BMPER: variants seen among roughly 807,000 people sequenced by gnomAD.
The protein encoded by BMPER is BMP-binding endothelial regulator protein.
Under a neutral mutation model 87.3 loss-of-function variants are expected in BMPER, and 45 were observed. The observed-to-expected ratio is 0.52, with a 90% CI of 0.41 to 0.66. The LOEUF (loss-of-function observed/expected upper bound fraction) is 0.66, where lower values mean the gene tolerates loss of function less well. Among genes scored for constraint, BMPER ranks in the 30% least tolerant of loss-of-function variants. BMPER has a pLI of 0.00. For missense variants in BMPER, 784 were observed against 867.5 expected, an observed-to-expected ratio of 0.90 and a Z score of 1.21; for synonymous variants, 326 against 316.2, an observed-to-expected ratio of 1.03 and a Z score of -0.33.
intron 6 of BMPER, among the ~76,000 whole-genome samples, chr7:34,013,465 A>G (rs1331474072): frequency 3.3e-5 from 5 of 151,768 alleles, no homozygotes; most frequent in African/African-American, 1.2e-4. Flanking sequence ...TTTATCTTTA[A>G]AATTTTAATA....
intron 3 of BMPER, among the ~76,000 whole-genome samples, chr7:33,943,863 A>G (rs918448542): frequency 2.6e-5 from 4 of 152,030 alleles, no homozygotes; most frequent in Non-Finnish European, 5.9e-5. Flanking sequence ...ATTACCAGGG[A>G]TATGTTCCTC....
At chr7:33,925,702 A>G (rs1017894418) in intron 2 of BMPER, among the ~76,000 whole-genome samples, 1 of 152,198 alleles carries the variant, frequency 6.6e-6, no homozygotes, top group Non-Finnish European at 1.5e-5. Flanking sequence ...TTCCTGTGAT[A>G]TATGTGAAAC....
intron 13 of BMPER, among the ~76,000 whole-genome samples, chr7:34,135,234 T>G (rs189483417): frequency 6.6e-6 from 1 of 152,216 alleles, no homozygotes; most frequent in East Asian, 1.9e-4. Flanking sequence ...TTTTCTCTTG[T>G]TAATTTGGTT....
At chr7:34,061,010 C>T (rs1788422459) in intron 10 of BMPER, among the ~76,000 whole-genome samples, 1 of 152,092 alleles carries the variant, frequency 6.6e-6, no homozygotes, top group Non-Finnish European at 1.5e-5. Flanking sequence ...GTTGCATGAC[C>T]TCAATTTCTT....
chr7:34,152,008 A>G (rs1477784164), intron 14 of BMPER, among the ~76,000 whole-genome samples: 1 of 152,206 alleles, frequency 6.6e-6, no homozygotes, highest in Non-Finnish European at 1.5e-5. Flanking sequence ...AATATGATCA[A>G]AGATCAACAT....
chr7:34,138,174 C>T (rs1172778856), intron 13 of BMPER, among the ~76,000 whole-genome samples: 1 of 152,126 alleles, frequency 6.6e-6, no homozygotes, highest in African/African-American at 2.4e-5. Flanking sequence ...CCACATGTGT[C>T]TAATGGTTTC....
At chr7:34,055,502 C>G (rs1788261172) in intron 9 of BMPER, among the ~76,000 whole-genome samples, 199 bp downstream of exon 9, 1 of 152,140 alleles carries the variant, frequency 6.6e-6, no homozygotes, top group Non-Finnish European at 1.5e-5. Flanking sequence ...CAGATAGGGG[C>G]AGAGAATCAA....
intron 6 of BMPER, among the ~76,000 whole-genome samples, chr7:33,990,766 T>G (rs1786187534): frequency 8.2e-6 from 1 of 122,674 alleles, no homozygotes; most frequent in African/African-American, 3.1e-5. Context: ...CATAGATAGC[T>G]CTTATTATTT....
Position 33,905,544 on chromosome 7 carries a change from T to G in BMPER, c.-70T>G. The G allele has an allele frequency of 6.3e-7, 1 of 1,585,932 alleles. No individual in the cohort carries two copies. Among genetic ancestry groups the G allele is most frequent in the Non-Finnish European group, 8.5e-7 (1 of 1,171,390 alleles). ...GCCGGCTGAGAGCCCTTTTCGACTG[T>G]GAGCTGCGGCAGCTGAGCAGAGGCG... On this transcript the variant is annotated 5_prime_UTR_variant, in exon 1 of 15. Coordinates refer to ENST00000649409, the MANE Select transcript of BMPER (RefSeq NM_001365308.1).
intron 6 of BMPER, among the ~76,000 whole-genome samples, chr7:33,986,152 T>C (rs1214165271): frequency 1.3e-5 from 2 of 152,220 alleles, no homozygotes; most frequent in Non-Finnish European, 2.9e-5. Flanking sequence ...TGAGTTTCTA[T>C]AGTGCTTCCT....
intron 6 of BMPER, among the ~76,000 whole-genome samples, chr7:33,996,106 A>T (rs1293753280): frequency 2.6e-5 from 4 of 152,244 alleles, no homozygotes; most frequent in Non-Finnish European, 4.4e-5. Flanking sequence ...TATTTCATGC[A>T]TAAAGAGCTT....
chr7:34,152,978 T>C (rs966747571), intron 14 of BMPER, 114 bp from the exon 15 acceptor site: 18 of 1,213,466 alleles, frequency 1.5e-5, no homozygotes, highest in South Asian at 7.3e-5. Context: ...AATGTGATCC[T>C]GAGCTATGGA....
At chr7:34,012,058 G>A (rs907126702) in intron 6 of BMPER, among the ~76,000 whole-genome samples, 2 of 151,848 alleles carry the variant, frequency 1.3e-5, no homozygotes, top group South Asian at 2.1e-4. Context: ...TTGGTAAGGG[G>A]CATAGAAACT....
chr7:33,936,926 C>T (rs150443401), intron 2 of BMPER, among the ~76,000 whole-genome samples: 1 of 152,248 alleles, frequency 6.6e-6, no homozygotes, highest in Non-Finnish European at 1.5e-5. Context: ...CCCAGGTAGC[C>T]CAACAGGCAA....
At chr7:33,986,668 C>CG (rs1158897363) in intron 6 of BMPER, among the ~76,000 whole-genome samples, 1 of 151,942 alleles carries the variant, frequency 6.6e-6, no homozygotes, top group African/African-American at 2.4e-5. Context: ...GAGGATGGAA[C>CG]GGGGGGTGAG....
At chr7:34,147,008 C>G (rs889446586) in intron 14 of BMPER, among the ~76,000 whole-genome samples, 1 of 152,172 alleles carries the variant, frequency 6.6e-6, no homozygotes, top group East Asian at 1.9e-4. Flanking sequence ...ATGTCTGCCA[C>G]CTGCCTATAA....
At chr7:34,125,460 A>G (rs1790376938) in intron 13 of BMPER, among the ~76,000 whole-genome samples, 1 of 152,172 alleles carries the variant, frequency 6.6e-6, no homozygotes. Flanking sequence ...TGGTAATAAA[A>G]TTATTTTTCT....
At chr7:33,945,034 T>G (rs544052846) in intron 3 of BMPER, among the ~76,000 whole-genome samples, 2 of 151,978 alleles carry the variant, frequency 1.3e-5, no homozygotes, top group Non-Finnish European at 2.9e-5. Context: ...CTCCACCTCC[T>G]GGGTTCACAC....
At chr7:33,934,333 G>A (rs991594445) in intron 2 of BMPER, among the ~76,000 whole-genome samples, 1 of 152,052 alleles carries the variant, frequency 6.6e-6, no homozygotes, top group African/African-American at 2.4e-5. Flanking sequence ...TTTTTTCTTG[G>A]AAGGCCTGGG....
Sources: allele counts gnomAD v4.1 joint callset (sites outside exome capture counted in the v4.1 genomes callset), GRCh38; gene constraint gnomAD v4.1.1; transcripts MANE v1.5; gene names NCBI Gene and HGNC (gene_info 2026-07-23, HGNC 2026-07-21).